The following RAVER2 variants were observed in gnomAD, a reference collection of about 807,000 sequenced individuals.
The protein encoded by RAVER2 is ribonucleoprotein, PTB binding 2, also known as ribonucleoprotein PTB-binding 2.
A neutral mutation model predicts 78.1 loss-of-function variants in RAVER2; 46 were observed. The observed-to-expected ratio is 0.59, with a 90% CI of 0.46 to 0.75. RAVER2 has a LOEUF of 0.75. Ranked by LOEUF, RAVER2 falls within the 30% of genes least tolerant of loss-of-function variation. The pLI, the probability that RAVER2 is intolerant of heterozygous loss-of-function variation, is 0.00. For missense variants in RAVER2, 793 were observed against 837.5 expected, an observed-to-expected ratio of 0.95 and a Z score of 0.66; for synonymous variants, 311 against 313.3, an observed-to-expected ratio of 0.99 and a Z score of 0.08.
intron 5 of RAVER2, among the ~76,000 whole-genome samples, chr1:64,800,759 T>A (rs1653240267): frequency 6.6e-6 from 1 of 152,236 alleles, no homozygotes; most frequent in East Asian, 1.9e-4. Context: ...GAATTAAACA[T>A]TCCCTCCAAT....
intron 1 of RAVER2, among the ~76,000 whole-genome samples, chr1:64,753,005 A>G (rs910989555): frequency 6.6e-6 from 1 of 152,196 alleles, no homozygotes; most frequent in African/African-American, 2.4e-5. Flanking sequence ...TCTGGACTTC[A>G]TATATATGCA....
chr1:64,770,833 C>T (rs1652295633), intron 2 of RAVER2, among the ~76,000 whole-genome samples: 1 of 151,638 alleles, frequency 6.6e-6, no homozygotes, highest in Non-Finnish European at 1.5e-5. Flanking sequence ...AGAATAGACA[C>T]TGTGGAAGAA....
At chr1:64,763,884 CAA>C (rs1326167582) in intron 1 of RAVER2, among the ~76,000 whole-genome samples, 2 of 149,500 alleles carry the variant, frequency 1.3e-5, no homozygotes, top group Non-Finnish European at 3.0e-5. Flanking sequence ...GCCTGGACGA[CAA>C]GAGTGAAACT....
chr1:64,757,787 A>G (rs1052430966), intron 1 of RAVER2, among the ~76,000 whole-genome samples: 1 of 152,240 alleles, frequency 6.6e-6, no homozygotes, highest in Non-Finnish European at 1.5e-5. Flanking sequence ...ATGCACACAC[A>G]CAAACACTTA....
chr1:64,764,389 A>C (rs1466508463), intron 1 of RAVER2, among the ~76,000 whole-genome samples: 4 of 152,080 alleles, frequency 2.6e-5, no homozygotes, highest in African/African-American at 7.2e-5. Context: ...GGAAAAAAAA[A>C]CAGCACACAA....
intron 4 of RAVER2, 26 bp downstream of exon 4, chr1:64,781,597 T>C: frequency 6.3e-7 from 1 of 1,590,396 alleles, no homozygotes; most frequent in Non-Finnish European, 8.6e-7. Context: ...TTCTGTCTCT[T>C]TTTTTAGAGT....
At chr1:64,752,710 A>G (rs1651733764) in intron 1 of RAVER2, among the ~76,000 whole-genome samples, 2 of 152,306 alleles carry the variant, frequency 1.3e-5, no homozygotes, top group South Asian at 4.1e-4. Context: ...GGATTGGTTA[A>G]AGACGGGCAA....
At chr1:64,761,955 A>AC (rs1652035896) in intron 1 of RAVER2, among the ~76,000 whole-genome samples, 1 of 152,078 alleles carries the variant, frequency 6.6e-6, no homozygotes, top group Non-Finnish European at 1.5e-5. Flanking sequence ...TACCAAAAAA[A>AC]AAAAAAATTA....
Position 64,745,546 on chromosome 1 carries a change from C to A in RAVER2, c.249+125C>A. The A allele has an allele frequency of 1.6e-6, 2 of 1,216,136 alleles. No individual in the cohort carries two copies. Among genetic ancestry groups the A allele is most frequent in the Non-Finnish European group, 2.1e-6 (2 of 938,360 alleles). 75.3% of individuals were successfully genotyped at this position (1,216,136 alleles called of 1,614,324 possible). On this transcript the variant is annotated intron_variant, in intron 1 of 11. Transcript: ENST00000294428. This position sits in a 1 kb window ranked among gnomAD's most constrained non-coding sequence, Gnocchi z 4.3. ...GTGGGTCGGCGCCGAGTGGTGAGAG[C>A]GGCCCCTCGGTTTGACTGAGTTCTT...
intron 1 of RAVER2, among the ~76,000 whole-genome samples, chr1:64,767,944 A>G (rs764921394): frequency 7.2e-5 from 11 of 152,098 alleles, no homozygotes; most frequent in Non-Finnish European, 1.0e-4. Context: ...TATGTTAATA[A>G]TAGAAGCAGA....
chr1:64,789,583 A>T, intron 5 of RAVER2, 69 bp downstream of exon 5: 4 of 1,220,584 alleles, frequency 3.3e-6, no homozygotes, highest in Non-Finnish European at 4.3e-6. Flanking sequence ...TCACATGTGA[A>T]ATATGGAAAA....
rs576908438 is a variant in RAVER2, at chr1:64,832,924, G to GCAA, written c.*1942_*1944dup. Reference sequence around the variant, plus strand: ...GAAGAAAGGAAAGATGGTGAATTTTGCAACAGAGCTGCAAAAAGTCAGTCA... The same window carrying GCAA: ...GAAGAAAGGAAAGATGGTGAATTTTGCAACAACAGAGCTGCAAAAAGTCAGTCA... On this transcript the variant is annotated 3_prime_UTR_variant, in exon 12 of 12. Transcript: ENST00000294428. 4.1e-3 allele frequency: 580 copies of GCAA among 141,156 alleles called. 3 individuals carry two copies. Among genetic ancestry groups the GCAA allele is most frequent in the South Asian group, 4.7e-3 (21 of 4,516 alleles). The allele number at this position is 141,156 out of a possible 1,614,324, so 8.7% of individuals were successfully genotyped here.
chr1:64,796,037 A>G (rs569476494), intron 5 of RAVER2, among the ~76,000 whole-genome samples: 12 of 152,084 alleles, frequency 7.9e-5, no homozygotes, highest in East Asian at 3.9e-4. Context: ...TTCTCCATCT[A>G]TTGAGATGAT....
chr1:64,780,069 A>T (rs1652586842), intron 3 of RAVER2, among the ~76,000 whole-genome samples: 1 of 151,880 alleles, frequency 6.6e-6, no homozygotes, highest in Non-Finnish European at 1.5e-5. Flanking sequence ...ATTATAATGA[A>T]ATAGAATAGT....
chr1:64,763,246 G>A (rs970721069), intron 1 of RAVER2, among the ~76,000 whole-genome samples: 2 of 152,016 alleles, frequency 1.3e-5, no homozygotes, highest in Non-Finnish European at 2.9e-5. Flanking sequence ...GCAGTGAGCC[G>A]AGATCATGCC....
chr1:64,782,026 C>T (rs767883542), intron 4 of RAVER2, among the ~76,000 whole-genome samples: 1 of 152,186 alleles, frequency 6.6e-6, no homozygotes, highest in Non-Finnish European at 1.5e-5. Flanking sequence ...GCCTCAGTCT[C>T]CCGAGTAGCT....
chr1:64,791,636 A>G (rs1227585782), intron 5 of RAVER2, among the ~76,000 whole-genome samples: 4 of 152,190 alleles, frequency 2.6e-5, no homozygotes, highest in Non-Finnish European at 5.9e-5. Context: ...GGCTCAGGCT[A>G]TTATGCAATT....
chr1:64,795,951 T>C (rs1275440053), intron 5 of RAVER2, among the ~76,000 whole-genome samples: 5 of 152,032 alleles, frequency 3.3e-5, no homozygotes, highest in Admixed American at 3.3e-4. Context: ...ATTTCTTTTA[T>C]TAAGCTGCGG....
chr1:64,787,997 C>A (rs1281927806), intron 4 of RAVER2, among the ~76,000 whole-genome samples: 1 of 152,138 alleles, frequency 6.6e-6, no homozygotes, highest in Non-Finnish European at 1.5e-5. Context: ...TCCATTTTCT[C>A]ATAGCTGAAA....
Sources: gnomAD v4.1 joint callset for allele counts (sites outside exome capture counted in the v4.1 genomes callset) on GRCh38, gnomAD v4.1.1 for gene constraint, Gnocchi (gnomAD v3.1) non-coding constraint, MANE v1.5 for transcripts, NCBI Gene and HGNC (gene_info 2026-07-23, HGNC 2026-07-21) for gene names.